CTNNB1: variants seen among roughly 807,000 people sequenced by gnomAD.
The protein encoded by CTNNB1 is catenin beta 1.
Under a neutral mutation model 82.5 loss-of-function variants are expected in CTNNB1, and 6 were observed. That is an observed-to-expected ratio of 0.07 (90% CI 0.04 to 0.14). The LOEUF (loss-of-function observed/expected upper bound fraction) is 0.14. CTNNB1 is among the 10% of genes least tolerant of loss of function. CTNNB1 has a pLI of 1.00. For synonymous variants in CTNNB1, 312 were observed against 329.7 expected (o/e 0.95, Z 0.58); for missense variants, 529 against 980.4 (o/e 0.54, Z 6.15).
chr3:41,202,896 T>G (rs573602188), intron 1 of CTNNB1, among the ~76,000 whole-genome samples: 3 of 152,298 alleles, frequency 2.0e-5, no homozygotes, highest in Non-Finnish European at 1.5e-5. Context: ...TGACTCAGTT[T>G]GAAACCTAGG....
intron 1 of CTNNB1, among the ~76,000 whole-genome samples, chr3:41,208,618 A>T (rs1164033465): frequency 6.6e-6 from 1 of 152,182 alleles, no homozygotes; most frequent in Non-Finnish European, 1.5e-5. Flanking sequence ...ACTGAATTAT[A>T]ATCACTTTCT....
At chr3:41,237,716 TTTA>T in intron 13 of CTNNB1, 1 of 186,990 alleles carries the variant, frequency 5.3e-6, no homozygotes, top group Non-Finnish European at 1.1e-5. Context: ...TTTTTTTTTT[TTTA>T]AACTGCTATA....
intron 1 of CTNNB1, among the ~76,000 whole-genome samples, chr3:41,223,493 C>T (rs1161792105): frequency 6.6e-6 from 1 of 152,032 alleles, no homozygotes; most frequent in Non-Finnish European, 1.5e-5. Flanking sequence ...ACCAAAAAAT[C>T]TAAAATTCGC....
chr3:41,235,906 A>C, intron 11 of CTNNB1, 63 bp downstream of exon 11: 1 of 1,582,002 alleles, frequency 6.3e-7, no homozygotes, highest in Non-Finnish European at 8.7e-7. Flanking sequence ...GTAATGACTA[A>C]TAACATTTCA....
intron 1 of CTNNB1, among the ~76,000 whole-genome samples, chr3:41,215,942 T>A (rs1351437436): frequency 6.6e-6 from 1 of 152,184 alleles, no homozygotes; most frequent in East Asian, 1.9e-4. Flanking sequence ...TTACATGTGA[T>A]ACCTTTATAT....
rs2078158865 is a variant in CTNNB1 at position 41,225,656 on chromosome 3, C to T, written c.735-4C>T. 3 of 1,613,908 alleles carry T rather than the reference C, an allele frequency of 1.9e-6. No homozygotes were observed. The highest frequency in any genetic ancestry group is 2.5e-6 in the Non-Finnish European group (3 of 1,179,950). On this transcript the variant is annotated splice_region_variant and splice_polypyrimidine_tract_variant and intron_variant, in intron 5 of 14. Coordinates refer to ENST00000349496, the MANE Select transcript of CTNNB1 (RefSeq NM_001904.4). The surrounding 1 kb of genome is among the most constrained non-coding windows in gnomAD (Gnocchi z 5.3). ...TTCTGATGAGGCTTTTTTCTTCTTCCCAGTTCACCAGTGGATTCTGTGTTG... is the reference window on the plus strand; with the variant it reads ...TTCTGATGAGGCTTTTTTCTTCTTCTCAGTTCACCAGTGGATTCTGTGTTG...
chr3:41,231,408 T>C (rs2078306392), intron 7 of CTNNB1, among the ~76,000 whole-genome samples: 1 of 151,270 alleles, frequency 6.6e-6, no homozygotes, highest in South Asian at 2.1e-4. Context: ...AGTAATGAGG[T>C]GGATGGCCTG....
rs1484764320 is a variant in CTNNB1, at chr3:41,240,378, G to GATAC, written c.*1037_*1040dup. 5.4e-6 allele frequency: 1 copy of GATAC among 185,622 alleles called. No individual in the cohort carries two copies. Among genetic ancestry groups the GATAC allele is most frequent in the African/African-American group, 2.3e-5 (1 of 42,674 alleles). 11.5% of individuals were successfully genotyped at this position (185,622 alleles called of 1,614,324 possible). A position where few individuals can be genotyped will look rare whatever the true frequency, so the allele number is the denominator to read the frequency against. On this transcript the variant is annotated 3_prime_UTR_variant, in exon 15 of 15. Coordinates refer to ENST00000349496, the MANE Select transcript of CTNNB1 (RefSeq NM_001904.4). ...TCCCAAAGTTGTTGTAACCTGCTGT[G>GATAC]ATACGATGCTTCAAGAGAAAATGCG...
chr3:41,236,998 TAAGGA>T (rs778564835), intron 13 of CTNNB1: 63 of 571,834 alleles, frequency 1.1e-4, no homozygotes, highest in Non-Finnish European at 1.8e-4. Context: ...CAAAAGGATG[TAAGGA>T]AAGAGGCAGT....
At chr3:41,203,035 CTTTTTT>C (rs34745712) in intron 1 of CTNNB1, among the ~76,000 whole-genome samples, 5 of 136,746 alleles carry the variant, frequency 3.7e-5, no homozygotes, top group Admixed American at 7.3e-5. Context: ...GGTTTAGCCA[CTTTTTT>C]TTTTTTTTTT....
intron 1 of CTNNB1, among the ~76,000 whole-genome samples, chr3:41,206,425 A>G (rs2077650468): frequency 6.7e-6 from 1 of 149,920 alleles, no homozygotes; most frequent in Non-Finnish European, 1.5e-5. Context: ...ATATATGTGC[A>G]TATATATAGC....
At position 41,239,215 on chromosome 3, in the gene CTNNB1, G is replaced by A. The variant is rs1438939521; in HGVS notation, c.2219G>A (p.Gly740Asp). Residue 740 changes from glycine (G) to aspartate (D), a missense_variant, in exon 15 of 15, where the codon GGT becomes GAT. Around this residue, in one of 4 missense-constraint regions of CTNNB1, gnomAD observed 102 missense variants for 130.8 expected, o/e 0.78. Transcript: ENST00000349496. The part of the protein sequence containing the change: ...GMDPMMEHEM[G>D]GHHPGADYPV... ...GACCCCATGATGGAACATGAGATGGGTGGCCACCACCCTGGTGCTGACTAT... is the reference window on the plus strand; with the variant it reads ...GACCCCATGATGGAACATGAGATGGATGGCCACCACCCTGGTGCTGACTAT... 2.5e-6 allele frequency: 4 copies of A among 1,614,072 alleles called. No homozygotes were observed. Among genetic ancestry groups the A allele is most frequent in the Non-Finnish European group, 3.4e-6 (4 of 1,180,040 alleles).
chr3:41,235,628 T>G, intron 10 of CTNNB1, 96 bp from the exon 11 acceptor site: 1 of 1,536,036 alleles, frequency 6.5e-7, no homozygotes, highest in East Asian at 2.3e-5. Context: ...TACGGGGAAC[T>G]TCGGGTATAT....
At chr3:41,237,094 G>C (rs2078453902) in intron 13 of CTNNB1, 1 of 335,906 alleles carries the variant, frequency 3.0e-6, no homozygotes, top group Non-Finnish European at 5.5e-6. Context: ...TTTCTGCTAT[G>C]AATTTTTCTT....
Position 41,225,096 on chromosome 3 carries a change from A to G in CTNNB1, c.384A>G (p.Pro128=), listed in dbSNP as rs2125620557. 1 of 1,614,114 alleles carries G rather than the reference A, an allele frequency of 6.2e-7. No individual in the cohort carries two copies. The highest frequency in any genetic ancestry group is 8.5e-7 in the Non-Finnish European group (1 of 1,179,988). The change falls in exon 4 of 15, where the codon CCA becomes CCG. Residue 128 remains proline, a synonymous_variant. Transcript: ENST00000349496. This position sits in a 1 kb window ranked among gnomAD's most constrained non-coding sequence, Gnocchi z 5.3. ...HPTNVQRLAE[P]SQMLKHAVVN... ...CTAATGTCCAGCGTTTGGCTGAACC[A>G]TCACAGATGCTGAAACATGCAGTTG... is the stretch of plus-strand genomic sequence containing the variant.
chr3:41,210,917 G>A (rs544338301), intron 1 of CTNNB1: 1 of 406,426 alleles, frequency 2.5e-6, no homozygotes, highest in African/African-American at 2.1e-5. Flanking sequence ...AGCCTCCCAA[G>A]TAGCTGGGAC....
intron 1 of CTNNB1, among the ~76,000 whole-genome samples, chr3:41,205,687 G>T (rs568875486): frequency 1.3e-5 from 2 of 152,202 alleles, no homozygotes; most frequent in African/African-American, 2.4e-5. Context: ...AGAAAGAAAA[G>T]TGGGGTGTTT....
At chr3:41,211,081 C>T (rs2077773459) in intron 1 of CTNNB1, 1 of 456,554 alleles carries the variant, frequency 2.2e-6, no homozygotes, top group Non-Finnish European at 4.4e-6. Flanking sequence ...GTAAGAGCCA[C>T]CATGTCTGGC....
intron 7 of CTNNB1, among the ~76,000 whole-genome samples, chr3:41,231,445 A>G (rs1395458780): frequency 6.6e-6 from 1 of 152,150 alleles, no homozygotes; most frequent in Non-Finnish European, 1.5e-5. Context: ...AGGTAAGCAG[A>G]GCCATAACAT....
Sources: allele counts gnomAD v4.1 joint callset (sites outside exome capture counted in the v4.1 genomes callset), GRCh38; gene constraint gnomAD v4.1.1; regional missense constraint gnomAD v4.1.1; non-coding constraint Gnocchi (gnomAD v3.1); transcripts MANE v1.5; gene names NCBI Gene and HGNC (gene_info 2026-07-23, HGNC 2026-07-21).